FSTL4: variants seen among roughly 807,000 people sequenced by gnomAD.
FSTL4 encodes follistatin like 4, also known as follistatin-related protein 4.
A neutral mutation model predicts 78.2 loss-of-function variants in FSTL4; 28 were observed. The ratio of observed to expected loss-of-function variants is 0.36; its 90% CI spans 0.27 to 0.49. The LOEUF (loss-of-function observed/expected upper bound fraction) is 0.49, where lower values mean the gene tolerates loss of function less well. Among genes scored for constraint, FSTL4 ranks in the 20% least tolerant of loss-of-function variants. The probability of loss-of-function intolerance (pLI) is 0.98; values close to 1 mark genes in which losing one functional copy is unlikely to be tolerated. For synonymous variants in FSTL4, 422 were observed against 440.5 expected (o/e 0.96, Z 0.53); for missense variants, 922 against 1,084.9 (o/e 0.85, Z 2.11).
the FSTL4 span, among the ~76,000 whole-genome samples, chr5:133,791,893 T>C: frequency 2.0e-5 from 3 of 152,242 alleles, no homozygotes; most frequent in Admixed American, 6.5e-5. Flanking sequence ...CTGTCCTACA[T>C]TCCCACTGAT....
the FSTL4 span, among the ~76,000 whole-genome samples, chr5:133,799,248 T>C: frequency 7.3e-6 from 1 of 137,520 alleles, no homozygotes; most frequent in South Asian, 2.3e-4. Flanking sequence ...GGCCCAGAGA[T>C]GAAACCTAGT....
intron 3 of FSTL4, among the ~76,000 whole-genome samples, chr5:133,434,516 C>T (rs894783475): frequency 2.6e-5 from 4 of 152,152 alleles, no homozygotes; most frequent in Admixed American, 6.5e-5. Context: ...CCAGTCACTG[C>T]TTGACATTTG....
chr5:133,380,759 A>G (rs1424734897), intron 4 of FSTL4, among the ~76,000 whole-genome samples: 1 of 151,074 alleles, frequency 6.6e-6, no homozygotes, highest in Non-Finnish European at 1.5e-5. Flanking sequence ...ATAGATATAA[A>G]AAAATCCTCA....
At chr5:133,395,697 G>C (rs889898350) in intron 4 of FSTL4, among the ~76,000 whole-genome samples, 1 of 151,694 alleles carries the variant, frequency 6.6e-6, no homozygotes, top group Non-Finnish European at 1.5e-5. Flanking sequence ...GCTCTTCCCG[G>C]AGACTGGAGG....
At chr5:133,732,971 A>G in the FSTL4 span, among the ~76,000 whole-genome samples, 3 of 152,162 alleles carry the variant, frequency 2.0e-5, no homozygotes, top group Non-Finnish European at 4.4e-5. Context: ...TGGCTTCTCT[A>G]TGCTCAAGTC....
the FSTL4 span, among the ~76,000 whole-genome samples, chr5:133,651,834 T>C: frequency 6.6e-6 from 1 of 152,206 alleles, no homozygotes; most frequent in African/African-American, 2.4e-5. Flanking sequence ...GTTTCTATCT[T>C]CTGAAAGAGA....
rs557784496 is a variant in FSTL4 at position 133,229,635 on chromosome 5, C to T, written c.1015+3782G>A. ...AAAAAAGGGAGTGATTGTCATTTTG[C>T]TATATCAGATATTACAAAGTTAGAT... On this transcript the variant is annotated intron_variant, in intron 8 of 15. Transcript: ENST00000265342. Among the ~76,000 whole-genome samples the T allele has an allele frequency of 2.0e-5, 3 of 152,240 alleles. No homozygotes were observed. In the East Asian group the frequency reaches 5.8e-4, roughly 29 times the overall value.
At chr5:133,274,097 C>T (rs1752826147) in intron 6 of FSTL4, among the ~76,000 whole-genome samples, 1 of 152,196 alleles carries the variant, frequency 6.6e-6, no homozygotes, top group African/African-American at 2.4e-5. Flanking sequence ...TCAACATGGC[C>T]AGGGCGGTGG....
intron 3 of FSTL4, among the ~76,000 whole-genome samples, chr5:133,500,206 G>C (rs1758462869): frequency 6.6e-6 from 1 of 152,078 alleles, no homozygotes; most frequent in Admixed American, 6.6e-5. Flanking sequence ...TCATTTCTGT[G>C]AACTCATCTG....
the FSTL4 span, among the ~76,000 whole-genome samples, chr5:133,789,237 A>G: frequency 1.3e-5 from 2 of 152,216 alleles, no homozygotes; most frequent in Non-Finnish European, 2.9e-5. Flanking sequence ...CTAAATCTGC[A>G]TCCGAAGGGA....
chr5:133,317,099 GT>G (rs1753926125), intron 4 of FSTL4, among the ~76,000 whole-genome samples: 1 of 152,092 alleles, frequency 6.6e-6, no homozygotes. Flanking sequence ...AGATTAGGGA[GT>G]TTTAGTTAAC....
chr5:133,603,830 T>A (rs761558691), intron 2 of FSTL4, 28 bp downstream of exon 2: 6 of 1,610,530 alleles, frequency 3.7e-6, no homozygotes, highest in South Asian at 3.3e-5. Context: ...CAGTTTGAAA[T>A]GTTATGTCCG....
At chr5:133,648,005 C>G in the FSTL4 span, among the ~76,000 whole-genome samples, 2 of 152,124 alleles carry the variant, frequency 1.3e-5, no homozygotes, top group Non-Finnish European at 1.5e-5. Context: ...AGTTTCCCTG[C>G]ACAAGCTCTC....
intron 8 of FSTL4, among the ~76,000 whole-genome samples, chr5:133,227,690 A>G (rs1751376585): frequency 1.3e-5 from 2 of 152,186 alleles, no homozygotes; most frequent in Non-Finnish European, 2.9e-5. Context: ...AATAAACTTA[A>G]AGAAAGAAGA....
At chr5:133,666,897 T>A in the FSTL4 span, among the ~76,000 whole-genome samples, 1 of 152,224 alleles carries the variant, frequency 6.6e-6, no homozygotes. Context: ...GGATCATTAT[T>A]TCCCTGGTAT....
intron 3 of FSTL4, among the ~76,000 whole-genome samples, chr5:133,529,046 TC>T (rs1759196542): frequency 6.6e-6 from 1 of 152,220 alleles, no homozygotes; most frequent in South Asian, 2.1e-4. Flanking sequence ...GGGATGCTGA[TC>T]CCCAGGGTAA....
intron 4 of FSTL4, among the ~76,000 whole-genome samples, chr5:133,347,024 A>C (rs1042606824): frequency 4.6e-5 from 7 of 152,126 alleles, no homozygotes; most frequent in Non-Finnish European, 5.9e-5. Context: ...TAGATTTAAA[A>C]ATTTAAAAAT....
intron 4 of FSTL4, among the ~76,000 whole-genome samples, chr5:133,390,146 A>G (rs1755808543): frequency 6.6e-6 from 1 of 152,242 alleles, no homozygotes; most frequent in Non-Finnish European, 1.5e-5. Context: ...TCCCTGGATG[A>G]GCCCTTTTTT....
chr5:133,735,139 C>A, the FSTL4 span, among the ~76,000 whole-genome samples: 13 of 152,126 alleles, frequency 8.5e-5, no homozygotes, highest in Admixed American at 8.5e-4. Context: ...GCACCTCATG[C>A]CTGACCCATC....
Sources: allele counts gnomAD v4.1 joint callset (sites outside exome capture counted in the v4.1 genomes callset), GRCh38; gene constraint gnomAD v4.1.1; transcripts MANE v1.5; gene names NCBI Gene and HGNC (gene_info 2026-07-23, HGNC 2026-07-21).